The following IL17RD variants were observed in gnomAD, a reference collection of about 807,000 sequenced individuals.
IL17RD encodes interleukin-17 receptor D.
IL17RD carries 52 observed loss-of-function variants against 80.5 expected under a neutral mutation model. The ratio of observed to expected loss-of-function variants is 0.65; its 90% CI spans 0.52 to 0.81. The LOEUF (loss-of-function observed/expected upper bound fraction) is 0.81, where lower values mean the gene tolerates loss of function less well. IL17RD is among the 40% of genes least tolerant of loss of function. The pLI is 0.00. For synonymous variants in IL17RD, 416 were observed against 391.8 expected (o/e 1.06, Z -0.73); for missense variants, 1,024 against 955.1 (o/e 1.07, Z -0.95).
At position 57,130,186 on chromosome 3, in the gene IL17RD, A is replaced by G. The variant is rs1427010008; in HGVS notation, c.127-9873T>C. 2.6e-5 allele frequency among the ~76,000 whole-genome samples: 4 copies of G among 152,210 alleles called. No individual in the cohort carries two copies. In the East Asian group the frequency reaches 7.7e-4, roughly 29 times the overall value. ...AATTTCCCCCAGAAACTTTTCATACACAATTTTGGGAGGTTCCCAGAGCTC... is the reference window on the plus strand; with the variant it reads ...AATTTCCCCCAGAAACTTTTCATACGCAATTTTGGGAGGTTCCCAGAGCTC... On this transcript the variant is annotated intron_variant, in intron 1 of 12. Transcript: ENST00000296318.
intron 1 of IL17RD, chr3:57,164,875 C>A: frequency 8.4e-7 from 1 of 1,194,282 alleles, no homozygotes; most frequent in Non-Finnish European, 1.0e-6. Context: ...GGCCCAGCCC[C>A]GCCGCCCCTC....
intron 2 of IL17RD, among the ~76,000 whole-genome samples, chr3:57,119,079 G>A (rs182664895): frequency 1.4e-3 from 210 of 151,602 alleles, no homozygotes; most frequent in Non-Finnish European, 2.3e-3. Flanking sequence ...GTGGCCGGGC[G>A]CGGTGGCTCA....
chr3:57,127,433 T>C, intron 1 of IL17RD, among the ~76,000 whole-genome samples: 1 of 135,676 alleles, frequency 7.4e-6, no homozygotes, highest in African/African-American at 2.9e-5. Flanking sequence ...GAGATAAGAG[T>C]CTTGCTTTGT....
chr3:57,114,794 C>A lies in IL17RD; in HGVS notation c.208G>T (p.Val70Leu). Reference sequence around the variant, plus strand: ...GCGTCAGCAATCACATGCTTCCCCACTGGATTCAAGTAGGTGGTACAATCT... The same window carrying A: ...GCGTCAGCAATCACATGCTTCCCCAATGGATTCAAGTAGGTGGTACAATCT... ...YDNCTTYLNP[V>L]GKHVIADAQN... The change falls in exon 3 of 13, where the codon GTG (valine) becomes TTG (leucine). Residue 70 changes from valine (V) to leucine (L), a missense_variant. Transcript: ENST00000296318. The A allele has an allele frequency of 6.2e-7, 1 of 1,609,216 alleles. No homozygotes were observed. Among genetic ancestry groups the A allele is most frequent in the Non-Finnish European group, 8.5e-7 (1 of 1,178,022 alleles).
chr3:57,141,311 G>A (rs1707824007), intron 1 of IL17RD, among the ~76,000 whole-genome samples: 1 of 152,186 alleles, frequency 6.6e-6, no homozygotes, highest in South Asian at 2.1e-4. Flanking sequence ...CCACCGGTCT[G>A]AACAGAACCA....
chr3:57,142,685 C>CG (rs1174906466), intron 1 of IL17RD: 4 of 128,464 alleles, frequency 3.1e-5, no homozygotes, highest in South Asian at 3.1e-4. Context: ...TTGGGCGGGG[C>CG]GGGGGGGAGG....
chr3:57,109,477 AATC>A, intron 5 of IL17RD, 57 bp downstream of exon 5: 1 of 1,578,230 alleles, frequency 6.3e-7, no homozygotes, highest in Non-Finnish European at 8.6e-7. Context: ...TCTGTAGAAA[AATC>A]ATTAAAAGCG....
upstream of IL17RD, among the ~76,000 whole-genome samples, chr3:57,167,121 A>G (rs1267387177): frequency 6.6e-6 from 1 of 152,150 alleles, no homozygotes. Context: ...CACTGACATT[A>G]TTGCCAGGGA....
At chr3:57,142,374 G>C (rs781413812) in intron 1 of IL17RD, 1 of 509,710 alleles carries the variant, frequency 2.0e-6, no homozygotes, top group Non-Finnish European at 3.6e-6. Flanking sequence ...TGGAGAAGTG[G>C]AGGGAGAAAC....
intron 1 of IL17RD, among the ~76,000 whole-genome samples, chr3:57,121,601 C>T (rs1356056900): frequency 6.6e-6 from 1 of 152,200 alleles, no homozygotes; most frequent in Non-Finnish European, 1.5e-5. Flanking sequence ...TCCAGCTTTC[C>T]TCCTTCTAGC....
chr3:57,162,560 A>C (rs2060312434), intron 1 of IL17RD, among the ~76,000 whole-genome samples: 1 of 152,200 alleles, frequency 6.6e-6, no homozygotes, highest in South Asian at 2.1e-4. Context: ...AGGTGTGGAC[A>C]GGGACAATTT....
upstream of IL17RD, among the ~76,000 whole-genome samples, chr3:57,165,923 A>G (rs2060346255): frequency 1.3e-5 from 2 of 152,072 alleles, no homozygotes; most frequent in Admixed American, 1.3e-4. Context: ...GTCTGGGGAG[A>G]GTTCTGTTGG....
chr3:57,143,593 AG>A (rs1178220345), intron 1 of IL17RD, among the ~76,000 whole-genome samples: 1 of 152,222 alleles, frequency 6.6e-6, no homozygotes, highest in Non-Finnish European at 1.5e-5. Context: ...CAAATCCCCT[AG>A]GCTTCATATG....
intron 8 of IL17RD, among the ~76,000 whole-genome samples, chr3:57,103,790 C>T (rs981562395): frequency 6.6e-6 from 1 of 152,088 alleles, no homozygotes; most frequent in Non-Finnish European, 1.5e-5. Flanking sequence ...CTGCAACCTC[C>T]ACCTTCCAGT....
intron 11 of IL17RD, among the ~76,000 whole-genome samples, chr3:57,100,260 T>G (rs1220862639): frequency 1.4e-4 from 22 of 152,192 alleles, no homozygotes. Context: ...AGAGGGAAAC[T>G]AGGCTAGCGT....
intron 5 of IL17RD, 77 bp from the exon 6 acceptor site, chr3:57,106,231 T>A: frequency 9.5e-7 from 1 of 1,055,552 alleles, no homozygotes; most frequent in Non-Finnish European, 1.4e-6. Context: ...CCCAATGAAA[T>A]ATAAAGATAC....
chr3:57,108,508 G>GTTTT (rs1559469762), intron 5 of IL17RD, among the ~76,000 whole-genome samples: 4 of 53,806 alleles, frequency 7.4e-5, no homozygotes, highest in African/African-American at 8.9e-5. Flanking sequence ...TTGATACATG[G>GTTTT]CTTTTTTTTT....
At chr3:57,144,867 T>C (rs748377139) in intron 1 of IL17RD, among the ~76,000 whole-genome samples, 1 of 152,218 alleles carries the variant, frequency 6.6e-6, no homozygotes, top group Non-Finnish European at 1.5e-5. Flanking sequence ...CTGCTTCATG[T>C]TGGGGTTCCC....
intron 1 of IL17RD, among the ~76,000 whole-genome samples, chr3:57,131,696 CT>C (rs1707612568): frequency 6.6e-6 from 1 of 152,248 alleles, no homozygotes; most frequent in Admixed American, 6.5e-5. Context: ...ATTACCAAGA[CT>C]CACAGCTTTT....
Sources: gnomAD v4.1 joint callset for allele counts (sites outside exome capture counted in the v4.1 genomes callset) on GRCh38, gnomAD v4.1.1 for gene constraint, MANE v1.5 for transcripts, NCBI Gene and HGNC (gene_info 2026-07-23, HGNC 2026-07-21) for gene names.